The following CSTPP1 variants were observed in gnomAD, a reference collection of about 807,000 sequenced individuals.
CSTPP1 encodes the protein UPF0705 protein C11orf49.
the CSTPP1 span, chr11:47,053,034 G>A: frequency 6.5e-6 from 1 of 153,302 alleles, no homozygotes; most frequent in Non-Finnish European, 1.5e-5. Context: ...TCCTGAATGG[G>A]GGTGGGATGG....
At chr11:47,030,492 A>G in the CSTPP1 span, among the ~76,000 whole-genome samples, 1 of 152,182 alleles carries the variant, frequency 6.6e-6, no homozygotes, top group Non-Finnish European at 1.5e-5. Context: ...TAGATCCAGT[A>G]TGGTTACAGT....
chr11:47,122,518 T>C, the CSTPP1 span, among the ~76,000 whole-genome samples: 3 of 152,260 alleles, frequency 2.0e-5, no homozygotes, highest in East Asian at 3.9e-4. Flanking sequence ...TTTGTTAAGA[T>C]ACAATTTATA....
At chr11:46,989,878 A>G in the CSTPP1 span, among the ~76,000 whole-genome samples, 118,071 of 151,924 alleles carry the variant, frequency 0.78, 46,863 homozygotes, top group African/African-American at 0.9. Context: ...GCTCCCACTT[A>G]TAAGTGAGAA....
chr11:47,053,777 A>AG, the CSTPP1 span, among the ~76,000 whole-genome samples: 1 of 80,238 alleles, frequency 1.2e-5, no homozygotes, highest in Non-Finnish European at 2.8e-5. Context: ...CTTCGTCTCT[A>AG]CAAAAAAATA....
the CSTPP1 span, among the ~76,000 whole-genome samples, chr11:47,075,926 C>CAAAAA: frequency 8.4e-5 from 3 of 35,802 alleles, no homozygotes; most frequent in South Asian, 1.2e-3. Context: ...GATTCATTCT[C>CAAAAA]AAAAAAAAAA....
At chr11:47,036,091 AT>A in the CSTPP1 span, among the ~76,000 whole-genome samples, 3 of 12,112 alleles carry the variant, frequency 2.5e-4, no homozygotes, top group South Asian at 1.9e-3. Context: ...TATATATTAT[AT>A]TATATATTAT....
At chr11:46,997,793 G>C in the CSTPP1 span, among the ~76,000 whole-genome samples, 9 of 152,208 alleles carry the variant, frequency 5.9e-5, no homozygotes, top group Admixed American at 1.3e-4. Flanking sequence ...AGGACCCTCA[G>C]CTGCAGGTCT....
the CSTPP1 span, among the ~76,000 whole-genome samples, chr11:47,093,282 C>T: frequency 1.3e-5 from 2 of 152,156 alleles, no homozygotes; most frequent in African/African-American, 2.4e-5. Flanking sequence ...AGCAAAACTG[C>T]AAGAGACTTA....
At chr11:46,967,369 G>A in the CSTPP1 span, among the ~76,000 whole-genome samples, 1 of 152,172 alleles carries the variant, frequency 6.6e-6, no homozygotes, top group African/African-American at 2.4e-5. Flanking sequence ...AAATGAATTG[G>A]CCATGTATGT....
the CSTPP1 span, among the ~76,000 whole-genome samples, chr11:46,980,012 C>T: frequency 6.6e-6 from 1 of 152,046 alleles, no homozygotes; most frequent in Non-Finnish European, 1.5e-5. Flanking sequence ...AATACTGAGG[C>T]AGTAGGATTT....
the CSTPP1 span, among the ~76,000 whole-genome samples, chr11:47,051,691 CTTTT>C: frequency 1.5e-5 from 2 of 133,010 alleles, no homozygotes; most frequent in Admixed American, 7.6e-5. Flanking sequence ...TATCTTTTTT[CTTTT>C]TTTTTTTTTT....
chr11:46,949,379 C>A, the CSTPP1 span, among the ~76,000 whole-genome samples: 2 of 152,070 alleles, frequency 1.3e-5, no homozygotes, highest in African/African-American at 4.8e-5. Context: ...AGGGTTGGCA[C>A]GATAAAGAAT....
At chr11:47,107,478 G>A in the CSTPP1 span, among the ~76,000 whole-genome samples, 3 of 152,178 alleles carry the variant, frequency 2.0e-5, no homozygotes, top group Non-Finnish European at 4.4e-5. Context: ...ATTATTTAAT[G>A]TTCTTGTCTT....
the CSTPP1 span, among the ~76,000 whole-genome samples, chr11:47,007,549 G>A: frequency 3.3e-5 from 5 of 151,914 alleles, no homozygotes; most frequent in East Asian, 9.7e-4. Context: ...AGTAAATAAA[G>A]CATGGTTATT....
At chr11:47,063,629 A>G in the CSTPP1 span, among the ~76,000 whole-genome samples, 3 of 152,192 alleles carry the variant, frequency 2.0e-5, no homozygotes, top group Non-Finnish European at 4.4e-5. Flanking sequence ...TTCAAAGTGC[A>G]TCCATGTTGT....
At chr11:47,098,169 C>G in the CSTPP1 span, among the ~76,000 whole-genome samples, 3 of 123,562 alleles carry the variant, frequency 2.4e-5, no homozygotes, top group Non-Finnish European at 5.1e-5. Context: ...ACAAACACTG[C>G]GGAAGGCCGC....
the CSTPP1 span, among the ~76,000 whole-genome samples, chr11:47,132,151 C>T: frequency 6.6e-6 from 1 of 152,114 alleles, no homozygotes; most frequent in African/African-American, 2.4e-5. Flanking sequence ...CCTTTTTTCA[C>T]ACTTTACAAC....
chr11:47,067,835 A>T, the CSTPP1 span, among the ~76,000 whole-genome samples: 2 of 152,174 alleles, frequency 1.3e-5, no homozygotes, highest in Non-Finnish European at 1.5e-5. Flanking sequence ...GCACAGAAAG[A>T]TTCATTTTAT....
At chr11:47,139,332 G>A in the CSTPP1 span, among the ~76,000 whole-genome samples, 1 of 152,146 alleles carries the variant, frequency 6.6e-6, no homozygotes, top group Non-Finnish European at 1.5e-5. Context: ...GAGGAGGCAA[G>A]GGTTGGCAGT....
Sources: gnomAD v4.1 joint callset for allele counts (sites outside exome capture counted in the v4.1 genomes callset) on GRCh38, gnomAD v4.1.1 for gene constraint, MANE v1.5 for transcripts, NCBI Gene and HGNC (gene_info 2026-07-23, HGNC 2026-07-21) for gene names.